Variants in PDE1A observed in about 807,000 individuals in gnomAD.
The protein encoded by PDE1A is dual specificity calcium/calmodulin-dependent 3',5'-cyclic nucleotide phosphodiesterase 1A.
In PDE1A, 35 loss-of-function variants were observed where a neutral mutation model predicts 61.7. The observed-to-expected ratio is 0.57, with a 90% CI of 0.43 to 0.75. The LOEUF is 0.75. Ranked by LOEUF, PDE1A falls within the 30% of genes least tolerant of loss-of-function variation. The pLI is 0.00. For missense variants in PDE1A, 597 were observed against 630.6 expected, an observed-to-expected ratio of 0.95 and a Z score of 0.57; for synonymous variants, 232 against 213.2, an observed-to-expected ratio of 1.09 and a Z score of -0.77.
intron 10 of PDE1A, among the ~76,000 whole-genome samples, chr2:182,191,761 A>G (rs1415605928): frequency 2.0e-5 from 3 of 150,522 alleles, no homozygotes; most frequent in Non-Finnish European, 4.4e-5. Flanking sequence ...AATGTAATAG[A>G]TGTATTTTTA....
chr2:182,641,942 C>A, the PDE1A span, among the ~76,000 whole-genome samples: 17 of 152,198 alleles, frequency 1.1e-4, no homozygotes, highest in Non-Finnish European at 1.5e-4. Context: ...CTATGACGTA[C>A]CTCCTAAGAT....
the PDE1A span, among the ~76,000 whole-genome samples, chr2:182,558,264 G>C: frequency 6.6e-6 from 1 of 151,462 alleles, no homozygotes; most frequent in African/African-American, 2.4e-5. Flanking sequence ...TACACCAAAA[G>C]AGTCTACAAA....
intron 2 of PDE1A, among the ~76,000 whole-genome samples, chr2:182,519,170 C>T (rs1036711680): frequency 1.3e-5 from 2 of 152,014 alleles, no homozygotes; most frequent in Non-Finnish European, 2.9e-5. Flanking sequence ...AAGTCTAGGT[C>T]CCAAATTCAT....
the PDE1A span, among the ~76,000 whole-genome samples, chr2:182,703,789 A>G: frequency 1.3e-5 from 2 of 152,178 alleles, no homozygotes; most frequent in African/African-American, 2.4e-5. Context: ...TAAAATACAT[A>G]AAGTACCTAA....
chr2:182,544,161 T>A, the PDE1A span, among the ~76,000 whole-genome samples: 1 of 152,096 alleles, frequency 6.6e-6, no homozygotes, highest in African/African-American at 2.4e-5. Context: ...CTTTCCCAAA[T>A]GAGGTTAAGA....
At chr2:182,424,191 C>T (rs1248645977) in intron 1 of PDE1A, among the ~76,000 whole-genome samples, 2 of 152,150 alleles carry the variant, frequency 1.3e-5, no homozygotes, top group African/African-American at 4.8e-5. Context: ...GCGATCCACT[C>T]ACCTTGGCCT....
chr2:182,169,558 G>T (rs1409867429), intron 13 of PDE1A, among the ~76,000 whole-genome samples: 1 of 151,996 alleles, frequency 6.6e-6, no homozygotes, highest in Non-Finnish European at 1.5e-5. Flanking sequence ...AAATGGGAGG[G>T]ACAAAATGCA....
At chr2:182,378,802 A>G (rs1169543415) in intron 1 of PDE1A, among the ~76,000 whole-genome samples, 2 of 152,136 alleles carry the variant, frequency 1.3e-5, no homozygotes, top group Non-Finnish European at 2.9e-5. Flanking sequence ...TCCAGTCAGA[A>G]CTACACTACT....
At chr2:182,677,485 T>A in the PDE1A span, among the ~76,000 whole-genome samples, 3 of 152,142 alleles carry the variant, frequency 2.0e-5, no homozygotes, top group Admixed American at 2.0e-4. Flanking sequence ...TCTGCCCAAA[T>A]GATTCGATGT....
chr2:182,492,207 AT>A (rs1439021652), intron 2 of PDE1A, among the ~76,000 whole-genome samples: 2 of 152,046 alleles, frequency 1.3e-5, no homozygotes, highest in Non-Finnish European at 2.9e-5. Context: ...TCCTCTACCT[AT>A]TTCATACTAA....
intron 2 of PDE1A, among the ~76,000 whole-genome samples, chr2:182,250,796 T>TG (rs1356374253): frequency 6.6e-6 from 1 of 152,210 alleles, no homozygotes. Context: ...AGATGTGGCT[T>TG]TCTCCAAGGT....
chr2:182,605,351 G>A, the PDE1A span, among the ~76,000 whole-genome samples: 1 of 152,132 alleles, frequency 6.6e-6, no homozygotes, highest in African/African-American at 2.4e-5. Flanking sequence ...CATATGAGAT[G>A]TAAACAGAAG....
chr2:182,228,571 AAATTT>A (rs1439930296), intron 6 of PDE1A, among the ~76,000 whole-genome samples: 1 of 152,204 alleles, frequency 6.6e-6, no homozygotes, highest in East Asian at 1.9e-4. Flanking sequence ...CATATACATG[AAATTT>A]AATAGTCACC....
intron 1 of PDE1A, among the ~76,000 whole-genome samples, chr2:182,409,188 C>T (rs1011444346): frequency 2.0e-5 from 3 of 152,088 alleles, no homozygotes; most frequent in Admixed American, 6.6e-5. Context: ...AAATCGAATC[C>T]TTTTTCCACG....
At chr2:182,532,799 T>C in the PDE1A span, among the ~76,000 whole-genome samples, 1 of 149,292 alleles carries the variant, frequency 6.7e-6, no homozygotes, top group Non-Finnish European at 1.5e-5. Flanking sequence ...ATACAAAAAA[T>C]TATACGGGCG....
intron 2 of PDE1A, among the ~76,000 whole-genome samples, chr2:182,488,878 G>A (rs1688195108): frequency 6.6e-6 from 1 of 152,182 alleles, no homozygotes; most frequent in African/African-American, 2.4e-5. Flanking sequence ...TCAACCAGGT[G>A]TTGCAGGAAT....
intron 2 of PDE1A, among the ~76,000 whole-genome samples, chr2:182,484,192 T>C (rs764345021): frequency 6.6e-6 from 1 of 151,964 alleles, no homozygotes; most frequent in Non-Finnish European, 1.5e-5. Context: ...ATAATACTAA[T>C]CCTACACAAC....
intron 2 of PDE1A, among the ~76,000 whole-genome samples, chr2:182,458,949 T>A (rs933655692): frequency 6.6e-6 from 1 of 152,120 alleles, no homozygotes; most frequent in Non-Finnish European, 1.5e-5. Flanking sequence ...AGATTACTCC[T>A]TAAGCTTATC....
At chr2:182,576,237 C>T in the PDE1A span, among the ~76,000 whole-genome samples, 5 of 152,148 alleles carry the variant, frequency 3.3e-5, no homozygotes, top group East Asian at 7.7e-4. Flanking sequence ...TTTCCCTAAG[C>T]ACCTAGTAAC....
Sources: allele counts gnomAD v4.1 joint callset (sites outside exome capture counted in the v4.1 genomes callset), GRCh38; gene constraint gnomAD v4.1.1; transcripts MANE v1.5; gene names NCBI Gene and HGNC (gene_info 2026-07-23, HGNC 2026-07-21).